The following CNTLN variants were observed in gnomAD, a reference collection of about 807,000 sequenced individuals.
CNTLN encodes centlein.
In CNTLN, 212 loss-of-function variants were observed where a neutral mutation model predicts 180.0. The ratio of observed to expected loss-of-function variants is 1.18; its 90% confidence interval spans 1.05 to 1.32. The LOEUF (loss-of-function observed/expected upper bound fraction) is 1.32, where lower values mean the gene tolerates loss of function less well. Among genes scored for constraint, CNTLN ranks in the 40% most tolerant of loss-of-function variants. The pLI is 0.00. For missense variants in CNTLN, 2,095 were observed against 1,610.9 expected (o/e 1.30, Z -5.14); for synonymous variants, 722 against 563.1 (o/e 1.28, Z -3.99).
intron 2 of CNTLN, among the ~76,000 whole-genome samples, chr9:17,206,015 A>C (rs1478251940): frequency 7.0e-6 from 1 of 143,334 alleles, no homozygotes; most frequent in Non-Finnish European, 1.5e-5. Flanking sequence ...TACATGGGTC[A>C]TTATGTCTGA....
intron 2 of CNTLN, among the ~76,000 whole-genome samples, chr9:17,189,084 T>G (rs1377475695): frequency 3.8e-5 from 5 of 132,664 alleles, no homozygotes; most frequent in African/African-American, 1.4e-4. Flanking sequence ...TTTTTTTTTT[T>G]TTTTTTTTTT....
chr9:17,273,251 G>T (rs1242341229), intron 5 of CNTLN, among the ~76,000 whole-genome samples: 1 of 152,140 alleles, frequency 6.6e-6, no homozygotes, highest in East Asian at 1.9e-4. Context: ...CCACAGTCAA[G>T]AGAATTGAAC....
chr9:17,456,569 T>A lies in CNTLN; in HGVS notation c.3115-955T>A, dbSNP rs561612007. On this transcript the variant is annotated intron_variant, in intron 18 of 25. Coordinates refer to ENST00000380647, the MANE Select transcript of CNTLN (RefSeq NM_017738.4). ...TAGTGTTAATACTTAAGTAACATGTTTCATGTTTATCTTACTGTACACTTT... is the reference window on the plus strand; with the variant it reads ...TAGTGTTAATACTTAAGTAACATGTATCATGTTTATCTTACTGTACACTTT... Among the ~76,000 whole-genome samples, 312 of 152,252 alleles carry A rather than the reference T, an allele frequency of 2.0e-3. 1 individual carries two copies. The highest frequency in any genetic ancestry group is 7.1e-3 in the African/African-American group (296 of 41,570).
At chr9:17,201,102 G>C (rs1005846988) in intron 2 of CNTLN, among the ~76,000 whole-genome samples, 1 of 152,092 alleles carries the variant, frequency 6.6e-6, no homozygotes, top group African/African-American at 2.4e-5. Context: ...TGTGATTTTT[G>C]TCATTGGTTC....
rs1832796594 is a variant in CNTLN at position 17,484,410 on chromosome 9, C to T, written c.3971C>T (p.Thr1324Ile). 1.2e-6 allele frequency: 2 copies of T among 1,611,886 alleles called. No individual in the cohort carries two copies. The highest frequency in any genetic ancestry group is 1.7e-6 in the Non-Finnish European group (2 of 1,179,342). ...ACKTSTHKAQ[T>I]LAASILNISR... ...AAAACCTCAACCCATAAAGCCCAGACCTTGGCAGCTTCTATCCTGAACATT... is the reference window on the plus strand; with the variant it reads ...AAAACCTCAACCCATAAAGCCCAGATCTTGGCAGCTTCTATCCTGAACATT... Residue 1324 changes from threonine (T) to isoleucine (I), a missense_variant, in exon 24 of 26, where the codon ACC becomes ATC. By Grantham distance (89) the Thr-to-Ile change is moderately conservative. Coordinates refer to ENST00000380647, the MANE Select transcript of CNTLN (RefSeq NM_017738.4).
At chr9:17,443,270 G>A (rs1830213101) in intron 18 of CNTLN, among the ~76,000 whole-genome samples, 1 of 152,124 alleles carries the variant, frequency 6.6e-6, no homozygotes, top group South Asian at 2.1e-4. Flanking sequence ...AGAATCTGAA[G>A]ACAAATTACT....
chr9:17,301,249 C>T (rs1448247402), intron 7 of CNTLN: 7 of 985,236 alleles, frequency 7.1e-6, no homozygotes, highest in Non-Finnish European at 8.4e-6. Context: ...CCCTATTTGG[C>T]GAACTTGCCG....
intron 2 of CNTLN, among the ~76,000 whole-genome samples, chr9:17,212,649 C>T (rs1823412379): frequency 6.6e-6 from 1 of 152,136 alleles, no homozygotes; most frequent in Non-Finnish European, 1.5e-5. Flanking sequence ...CCTCCTTGTA[C>T]TTCTGGTAGA....
intron 18 of CNTLN, among the ~76,000 whole-genome samples, chr9:17,454,324 A>T (rs1421420946): frequency 6.6e-6 from 1 of 152,224 alleles, no homozygotes; most frequent in Admixed American, 6.5e-5. Flanking sequence ...AAATCAATAC[A>T]AATCTCAGTA....
chr9:17,525,905 G>C, the CNTLN span, among the ~76,000 whole-genome samples: 1 of 151,930 alleles, frequency 6.6e-6, no homozygotes, highest in Non-Finnish European at 1.5e-5. Context: ...AAATGTCTTT[G>C]GACATTTTTA....
intron 6 of CNTLN, among the ~76,000 whole-genome samples, chr9:17,294,936 G>T (rs1404819064): frequency 1.5e-5 from 2 of 134,422 alleles, no homozygotes; most frequent in Non-Finnish European, 3.3e-5. Context: ...GAGGGCGGGG[G>T]AGGCTCAGGC....
intron 23 of CNTLN, among the ~76,000 whole-genome samples, chr9:17,476,398 T>C (rs1832348540): frequency 6.6e-6 from 1 of 152,170 alleles, no homozygotes; most frequent in Admixed American, 6.5e-5. Context: ...TATCTTTCAC[T>C]TTTAATCAAA....
At chr9:17,359,473 T>C (rs1823118807) in intron 12 of CNTLN, among the ~76,000 whole-genome samples, 1 of 151,936 alleles carries the variant, frequency 6.6e-6, no homozygotes, top group Non-Finnish European at 1.5e-5. Context: ...TCAGTATATA[T>C]GTCCAGGAAA....
intron 5 of CNTLN, among the ~76,000 whole-genome samples, chr9:17,271,437 A>G (rs1827939676): frequency 6.6e-6 from 1 of 152,054 alleles, no homozygotes; most frequent in Admixed American, 6.6e-5. Context: ...AGTATTACAA[A>G]TGAAGTTCTG....
chr9:17,243,319 G>A (rs1332562325), intron 5 of CNTLN, among the ~76,000 whole-genome samples: 2 of 151,796 alleles, frequency 1.3e-5, no homozygotes, highest in Non-Finnish European at 2.9e-5. Flanking sequence ...CAATTTCATT[G>A]ATTTCTGCTC....
intron 13 of CNTLN, among the ~76,000 whole-genome samples, chr9:17,370,521 A>G (rs187747664): frequency 1.3e-5 from 2 of 152,298 alleles, no homozygotes; most frequent in African/African-American, 4.8e-5. Flanking sequence ...AAAGCTGGAG[A>G]TTTCATCAAC....
At chr9:17,343,700 C>G (rs1821659010) in intron 12 of CNTLN, among the ~76,000 whole-genome samples, 1 of 152,224 alleles carries the variant, frequency 6.6e-6, no homozygotes, top group African/African-American at 2.4e-5. Flanking sequence ...ATACAATTCA[C>G]TTATATAACG....
chr9:17,526,456 G>A, the CNTLN span, among the ~76,000 whole-genome samples: 1 of 152,126 alleles, frequency 6.6e-6, no homozygotes, highest in Non-Finnish European at 1.5e-5. Context: ...ATATGCTAAC[G>A]TAAATATCTT....
intron 5 of CNTLN, among the ~76,000 whole-genome samples, chr9:17,264,701 C>G (rs1412782363): frequency 6.7e-6 from 1 of 149,128 alleles, no homozygotes. Flanking sequence ...CCATTTGTAT[C>G]CTCTTTTATT....
Sources: allele counts gnomAD v4.1 joint callset (sites outside exome capture counted in the v4.1 genomes callset), GRCh38; gene constraint gnomAD v4.1.1; transcripts MANE v1.5; gene names NCBI Gene and HGNC (gene_info 2026-07-23, HGNC 2026-07-21).